The following GSE1 variants were observed in gnomAD, a reference collection of about 807,000 sequenced individuals.
GSE1 encodes the protein Gse1 coiled-coil protein, also known as genetic suppressor element 1.
In GSE1, 32 loss-of-function variants were observed where a neutral mutation model predicts 112.6. That is an observed-to-expected ratio of 0.28 (90% CI 0.21 to 0.38). The LOEUF (loss-of-function observed/expected upper bound fraction) is 0.38, where lower values mean the gene tolerates loss of function less well. GSE1 is among the 10% of genes least tolerant of loss of function. The pLI, the probability that GSE1 is intolerant of heterozygous loss-of-function variation, is 1.00. For missense variants in GSE1, 2,348 were observed against 1,699.2 expected, an observed-to-expected ratio of 1.38 and a Z score of -6.71; for synonymous variants, 1,115 against 735.6, an observed-to-expected ratio of 1.52 and a Z score of -8.35.
intron 1 of GSE1, among the ~76,000 whole-genome samples, chr16:85,330,469 G>A (rs970835194): frequency 6.6e-6 from 1 of 152,244 alleles, no homozygotes; most frequent in African/African-American, 2.4e-5. Context: ...TCCCAAGAGG[G>A]TGGATATGTG....
At chr16:85,233,047 A>G (rs184500240) in intron 1 of GSE1, among the ~76,000 whole-genome samples, 11 of 152,350 alleles carry the variant, frequency 7.2e-5, no homozygotes, top group Admixed American at 7.2e-4. Context: ...CTTTGGTCCC[A>G]GTGGCCTTGC....
chr16:85,623,653 T>C (rs1048974096), intron 1 of GSE1, among the ~76,000 whole-genome samples: 3 of 152,194 alleles, frequency 2.0e-5, no homozygotes, highest in Non-Finnish European at 2.9e-5. Context: ...GCAGGCACAC[T>C]GCGCCTTCTG....
intron 2 of GSE1, among the ~76,000 whole-genome samples, chr16:85,469,746 A>C (rs1184962775): frequency 6.6e-6 from 1 of 152,200 alleles, no homozygotes; most frequent in Non-Finnish European, 1.5e-5. Context: ...GAAATCAGCC[A>C]GGCTGACTGG....
rs755566276 is a variant in GSE1, at chr16:85,524,583, G to A, written c.2465-109331G>A. On this transcript the variant is annotated intron_variant, in intron 2 of 2. Coordinates refer to the GSE1 transcript ENST00000637419. ...GGTGGGGTCCAGGGGGAGCCGAGGGGTGCTGAGGCCTCATGCCCTGGGCCG... is the reference window on the plus strand; with the variant it reads ...GGTGGGGTCCAGGGGGAGCCGAGGGATGCTGAGGCCTCATGCCCTGGGCCG... Among the ~76,000 whole-genome samples, 107 of 152,264 alleles carry A rather than the reference G, an allele frequency of 7.0e-4. 1 individual carries two copies. Among genetic ancestry groups the A allele is most frequent in the Admixed American group, 1.2e-3 (18 of 15,304 alleles).
chr16:85,616,735 C>T (rs563043432), intron 1 of GSE1, among the ~76,000 whole-genome samples: 1 of 151,340 alleles, frequency 6.6e-6, no homozygotes, highest in East Asian at 1.9e-4. Context: ...TCACCGAGTG[C>T]GGTGTGGGAC....
chr16:85,651,407 C>T (rs2051343535), intron 3 of GSE1, among the ~76,000 whole-genome samples: 1 of 152,200 alleles, frequency 6.6e-6, no homozygotes, highest in Non-Finnish European at 1.5e-5. Context: ...CTGGCTGCCC[C>T]CCAGCCCCCC....
At chr16:85,170,018 CGGA>C (rs2074332744) in exon 1 of GSE1, 1 of 984,598 alleles carries the variant, frequency 1.0e-6, no homozygotes, top group Middle Eastern at 5.2e-4. Flanking sequence ...CGCGGGGCCG[CGGA>C]GGAGACGCGA....
chr16:85,533,320 T>G (rs1169665150), intron 2 of GSE1, among the ~76,000 whole-genome samples: 1 of 151,380 alleles, frequency 6.6e-6, no homozygotes, highest in East Asian at 1.9e-4. Context: ...CTCAGGAGGC[T>G]GAGGCAGGAG....
intron 1 of GSE1, among the ~76,000 whole-genome samples, chr16:85,304,251 C>G (rs2045604327): frequency 1.3e-5 from 2 of 152,242 alleles, no homozygotes; most frequent in Admixed American, 1.3e-4. Flanking sequence ...GGATCGATCA[C>G]TCGGCTGCGT....
intron 2 of GSE1, among the ~76,000 whole-genome samples, chr16:85,438,985 C>A (rs2049314148): frequency 6.6e-6 from 1 of 152,218 alleles, no homozygotes; most frequent in Non-Finnish European, 1.5e-5. Flanking sequence ...CTGCCCCAGG[C>A]CCTGTGATCA....
chr16:85,633,153 A>G (rs1320054513), intron 1 of GSE1, among the ~76,000 whole-genome samples: 1 of 152,200 alleles, frequency 6.6e-6, no homozygotes. Context: ...TTCTGTTTTT[A>G]GCATCTCCGG....
intron 1 of GSE1, among the ~76,000 whole-genome samples, chr16:85,183,160 G>A (rs2074629001): frequency 6.6e-6 from 1 of 152,038 alleles, no homozygotes; most frequent in African/African-American, 2.4e-5. Context: ...CACCTGCACA[G>A]TCATTTGCAT....
intron 1 of GSE1, among the ~76,000 whole-genome samples, chr16:85,198,363 A>C (rs936115307): frequency 3.9e-5 from 6 of 152,312 alleles, no homozygotes; most frequent in African/African-American, 1.2e-4. Context: ...TGTCCTTGGA[A>C]CGTGTTTTCT....
intron 1 of GSE1, among the ~76,000 whole-genome samples, chr16:85,566,345 G>A (rs950732442): frequency 3.3e-5 from 5 of 152,186 alleles, no homozygotes; most frequent in African/African-American, 4.8e-5. Context: ...CCCAGGCCAC[G>A]CACAGCGCCG....
chr16:85,556,749 GC>G (rs71153803), intron 1 of GSE1, among the ~76,000 whole-genome samples: 27,409 of 84,106 alleles, frequency 0.33, 4,423 homozygotes, highest in African/African-American at 0.39. Context: ...CGGGTAGCAT[GC>G]CCCCCCCCCC....
chr16:85,392,840 G>A (rs1449885619), intron 2 of GSE1, among the ~76,000 whole-genome samples: 1 of 152,238 alleles, frequency 6.6e-6, no homozygotes, highest in African/African-American at 2.4e-5. Context: ...AGAGGCGGCT[G>A]GGGCCAGGTT....
rs191761839 is a variant in GSE1, at chr16:85,262,178, C to T, written c.2283+90371C>T. On this transcript the variant is annotated intron_variant, in intron 1 of 2. Transcript: ENST00000637419. ...AGAATGACTTCTTTCTGAAAACTGA[C>T]GATGACAAATTATTTATTTAATGGT... 2.2e-3 allele frequency among the ~76,000 whole-genome samples: 331 copies of T among 152,316 alleles called. 1 individual carries two copies. Among genetic ancestry groups the T allele is most frequent in the African/African-American group, 7.1e-3 (295 of 41,568 alleles).
rs112101711 is a variant in GSE1 at position 85,624,117 on chromosome 16, C to T, written c.8-9797C>T. 1.9e-3 allele frequency among the ~76,000 whole-genome samples: 284 copies of T among 152,342 alleles called. 2 individuals carry two copies. Among genetic ancestry groups the T allele is most frequent in the African/African-American group, 6.5e-3 (271 of 41,588 alleles). On this transcript the variant is annotated intron_variant, in intron 1 of 15. Coordinates refer to ENST00000253458, the MANE Select transcript of GSE1 (RefSeq NM_014615.5). ...CAAGCGTCTCAGCCTCCTCTTCCTG[C>T]TGGCCCATGCCCCCCGGCCGCCACC...
intron 2 of GSE1, among the ~76,000 whole-genome samples, chr16:85,520,263 C>G (rs561146558): frequency 6.6e-6 from 1 of 152,082 alleles, no homozygotes; most frequent in Admixed American, 6.6e-5. Context: ...GGGCCGCGCT[C>G]TCATGCCCTA....
Sources: allele counts gnomAD v4.1 joint callset (sites outside exome capture counted in the v4.1 genomes callset), GRCh38; gene constraint gnomAD v4.1.1; transcripts MANE v1.5; gene names NCBI Gene and HGNC (gene_info 2026-07-23, HGNC 2026-07-21).